The following SGCD variants were observed in gnomAD, a reference collection of about 807,000 sequenced individuals.
SGCD encodes the protein sarcoglycan delta, also known as delta-sarcoglycan.
Under a neutral mutation model 36.6 loss-of-function variants are expected in SGCD, and 18 were observed. The observed-to-expected ratio is 0.49, with a 90% CI of 0.34 to 0.73. The LOEUF (loss-of-function observed/expected upper bound fraction) is 0.73, where lower values mean the gene tolerates loss of function less well. Ranked by LOEUF, SGCD falls within the 30% of genes least tolerant of loss-of-function variation. The pLI is 0.01. For synonymous variants in SGCD, 133 were observed against 130.6 expected (o/e 1.02, Z -0.12); for missense variants, 387 against 346.7 (o/e 1.12, Z -0.92).
At chr5:155,840,459 T>G in the SGCD span, among the ~76,000 whole-genome samples, 2 of 150,814 alleles carry the variant, frequency 1.3e-5, no homozygotes, top group African/African-American at 4.9e-5. Flanking sequence ...TTTTTGTATT[T>G]TTTGTATTTT....
At chr5:156,287,078 C>T (rs932125467) in intron 3 of SGCD, among the ~76,000 whole-genome samples, 4 of 152,138 alleles carry the variant, frequency 2.6e-5, no homozygotes, top group Admixed American at 1.3e-4. Flanking sequence ...ACAAATAGCA[C>T]ACTCAGTGAT....
intron 4 of SGCD, among the ~76,000 whole-genome samples, chr5:156,529,947 A>G (rs1299119957): frequency 6.6e-6 from 1 of 152,234 alleles, no homozygotes; most frequent in East Asian, 1.9e-4. Context: ...TGCAAAGTAA[A>G]TGAGGCTTTT....
intron 4 of SGCD, among the ~76,000 whole-genome samples, chr5:156,510,588 A>C (rs1261567348): frequency 6.6e-6 from 1 of 152,114 alleles, no homozygotes; most frequent in Non-Finnish European, 1.5e-5. Context: ...GAAAGTAAAT[A>C]TTTTAGTTTT....
At chr5:156,230,039 T>C (rs1764976578) in intron 3 of SGCD, among the ~76,000 whole-genome samples, 1 of 152,228 alleles carries the variant, frequency 6.6e-6, no homozygotes, top group Non-Finnish European at 1.5e-5. Context: ...ATGCTGTCTA[T>C]TCATTGAATA....
intron 6 of SGCD, among the ~76,000 whole-genome samples, chr5:156,596,082 C>G (rs1006508280): frequency 2.6e-5 from 4 of 152,252 alleles, no homozygotes; most frequent in African/African-American, 9.6e-5. Context: ...AAGAACATCT[C>G]CCATCTTGAG....
intron 6 of SGCD, among the ~76,000 whole-genome samples, chr5:156,610,632 C>G (rs1761749160): frequency 2.6e-5 from 4 of 152,222 alleles, no homozygotes; most frequent in Non-Finnish European, 5.9e-5. Flanking sequence ...TATGCCCTGC[C>G]CCCGGAGGTG....
intron 4 of SGCD, among the ~76,000 whole-genome samples, chr5:156,554,495 T>C (rs1397246532): frequency 6.6e-6 from 1 of 151,422 alleles, no homozygotes; most frequent in East Asian, 1.9e-4. Context: ...TTATTGTAGG[T>C]ATGCAGGTAT....
At chr5:156,101,452 C>T (rs1336569548) in intron 1 of SGCD, among the ~76,000 whole-genome samples, 1 of 152,126 alleles carries the variant, frequency 6.6e-6, no homozygotes, top group Non-Finnish European at 1.5e-5. Context: ...GAGTCTGGTG[C>T]AGAGAATATT....
At chr5:156,193,142 G>T (rs1365036970) in intron 3 of SGCD, among the ~76,000 whole-genome samples, 18 of 152,032 alleles carry the variant, frequency 1.2e-4, no homozygotes. Context: ...ACAATCAACT[G>T]GTTTTCTTCA....
chr5:155,856,917 G>A, the SGCD span, among the ~76,000 whole-genome samples: 1 of 152,092 alleles, frequency 6.6e-6, no homozygotes, highest in Non-Finnish European at 1.5e-5. Flanking sequence ...CAACCACTTC[G>A]AAAACAGCTT....
At position 156,601,430 on chromosome 5, in the gene SGCD, A is replaced by C. The variant is rs74864915; in HGVS notation, c.502+6379A>C. ...ATGTGTTTTTATCAACTTTATGAAA[A>C]GGCAATTGGCTGTAGGTGAGTGAAT... On this transcript the variant is annotated intron_variant, in intron 6 of 8. Coordinates refer to ENST00000337851, the MANE Select transcript of SGCD (RefSeq NM_000337.6). 9.5e-3 allele frequency among the ~76,000 whole-genome samples: 1,442 copies of C among 152,240 alleles called. 23 individuals are homozygous for C. The highest frequency in any genetic ancestry group is 0.049 in the East Asian group (253 of 5,184).
chr5:156,412,798 T>G (rs1275303151), intron 3 of SGCD, among the ~76,000 whole-genome samples: 2 of 148,982 alleles, frequency 1.3e-5, no homozygotes, highest in East Asian at 3.9e-4. Flanking sequence ...TTTTTTTTTT[T>G]TTTTTTTTGA....
the SGCD span, among the ~76,000 whole-genome samples, chr5:155,740,199 A>G: frequency 2.0e-5 from 3 of 152,206 alleles, no homozygotes; most frequent in Non-Finnish European, 4.4e-5. Flanking sequence ...CCTGAGCTTA[A>G]GTGATCCTCC....
At chr5:156,504,986 G>A (rs898082333) in intron 3 of SGCD, among the ~76,000 whole-genome samples, 6 of 152,198 alleles carry the variant, frequency 3.9e-5, no homozygotes, top group Non-Finnish European at 7.3e-5. Flanking sequence ...GGGAAGAAAT[G>A]TCAACATAGC....
chr5:156,377,383 C>T (rs940313424), intron 3 of SGCD, among the ~76,000 whole-genome samples: 7 of 152,188 alleles, frequency 4.6e-5, no homozygotes, highest in Non-Finnish European at 7.3e-5. Context: ...TTCTATCCTG[C>T]AGGCTAGCCT....
chr5:155,996,628 A>C (rs535899664), intron 1 of SGCD, among the ~76,000 whole-genome samples: 1 of 152,116 alleles, frequency 6.6e-6, no homozygotes, highest in African/African-American at 2.4e-5. Context: ...AAATACAAAA[A>C]TTAGCTGGGC....
At chr5:155,880,654 C>T (rs1440740303) in intron 1 of SGCD, among the ~76,000 whole-genome samples, 1 of 152,128 alleles carries the variant, frequency 6.6e-6, no homozygotes, top group African/African-American at 2.4e-5. Flanking sequence ...TTTACATCGT[C>T]ATTATGCTTG....
chr5:156,519,356 A>G (rs1373941437), intron 4 of SGCD, among the ~76,000 whole-genome samples: 3 of 146,448 alleles, frequency 2.0e-5, no homozygotes, highest in Non-Finnish European at 4.5e-5. Flanking sequence ...CAACAAAAAA[A>G]CAAACAAACA....
chr5:156,207,939 A>G (rs1764334331), intron 3 of SGCD, among the ~76,000 whole-genome samples: 1 of 152,288 alleles, frequency 6.6e-6, no homozygotes, highest in Admixed American at 6.5e-5. Context: ...GTCTTCATCC[A>G]TTAAAGCATA....
Sources: allele counts gnomAD v4.1 joint callset (sites outside exome capture counted in the v4.1 genomes callset), GRCh38; gene constraint gnomAD v4.1.1; transcripts MANE v1.5; gene names NCBI Gene and HGNC (gene_info 2026-07-23, HGNC 2026-07-21).